SOX6: variants seen among roughly 807,000 people sequenced by gnomAD.
The protein encoded by SOX6 is transcription factor SOX-6.
SOX6 carries 11 observed loss-of-function variants against 97.8 expected under a neutral mutation model. That is an observed-to-expected ratio of 0.11 (90% CI 0.07 to 0.19). The LOEUF (loss-of-function observed/expected upper bound fraction) is 0.19. Ranked by LOEUF, SOX6 falls within the 10% of genes least tolerant of loss-of-function variation. SOX6 has a pLI of 1.00. For missense variants in SOX6, 810 were observed against 1,039.5 expected, an observed-to-expected ratio of 0.78 and a Z score of 3.04; for synonymous variants, 360 against 371.4, an observed-to-expected ratio of 0.97 and a Z score of 0.35.
intron 6 of SOX6, among the ~76,000 whole-genome samples, chr11:16,121,604 C>T (rs578023565): frequency 3.3e-5 from 5 of 151,970 alleles, no homozygotes; most frequent in Admixed American, 2.0e-4. Context: ...GAAAGTTTTG[C>T]TTAAAAAGAA....
intron 1 of SOX6, among the ~76,000 whole-genome samples, chr11:16,384,574 C>A (rs975291330): frequency 6.6e-6 from 1 of 151,724 alleles, no homozygotes; most frequent in Admixed American, 6.6e-5. Flanking sequence ...ACAATTCTGA[C>A]ACACCCTCAA....
At chr11:16,571,721 G>A (rs375350948) in intron 4 of SOX6, among the ~76,000 whole-genome samples, 1 of 152,084 alleles carries the variant, frequency 6.6e-6, no homozygotes. Flanking sequence ...GTGCGATCTC[G>A]CCTCACTGCA....
chr11:16,569,310 A>C (rs1358560514), intron 4 of SOX6, among the ~76,000 whole-genome samples: 1 of 152,224 alleles, frequency 6.6e-6, no homozygotes, highest in Non-Finnish European at 1.5e-5. Context: ...CAGTGCAACA[A>C]AACAGTCAGA....
chr11:16,560,562 CATATATGTTTATACGT>C (rs1565180695), intron 4 of SOX6, among the ~76,000 whole-genome samples: 12 of 105,534 alleles, frequency 1.1e-4, no homozygotes, highest in African/African-American at 3.3e-4. Flanking sequence ...TTTATACGTA[CATATATGTTTATACGT>C]ACATATATGT....
At chr11:16,169,470 A>T (rs763413951) in intron 6 of SOX6, among the ~76,000 whole-genome samples, 23 of 152,136 alleles carry the variant, frequency 1.5e-4, no homozygotes, top group Non-Finnish European at 3.1e-4. Flanking sequence ...ATTATAATAC[A>T]AGTTGAAAGG....
rs1157835806 is a variant in SOX6, at chr11:16,706,471, AATATATATATATATATATATATATATAT to A, written n.429+8331_429+8358del. Among the ~76,000 whole-genome samples, 4 of 22,264 alleles carry A rather than the reference AATATATATATATATATATATATATATAT, an allele frequency of 1.8e-4. 1 individual carries two copies. The highest frequency in any genetic ancestry group is 1.3e-3 in the East Asian group (1 of 782). 14.6% of individuals were successfully genotyped at this position (22,264 alleles called of 152,430 possible). ...TCACAAAAAAAAAAAAAAAAAAAAA[AATATATATATATATATATATATATATAT>A]ATATATATATATATATATATATATA... On this transcript the variant is annotated intron_variant and non_coding_transcript_variant, in intron 3 of 5. Coordinates refer to the SOX6 transcript ENST00000524520.
At chr11:16,686,890 G>C (rs1476503244) in intron 3 of SOX6, among the ~76,000 whole-genome samples, 1 of 152,294 alleles carries the variant, frequency 6.6e-6, no homozygotes, top group African/African-American at 2.4e-5. Context: ...TTGAACCCGG[G>C]AGGCAGAGGT....
At chr11:16,620,375 T>C (rs1269667020) in intron 3 of SOX6, among the ~76,000 whole-genome samples, 1 of 152,218 alleles carries the variant, frequency 6.6e-6, no homozygotes, top group Admixed American at 6.5e-5. Flanking sequence ...CATATGAGTA[T>C]ATGTTATCTA....
At chr11:16,126,692 T>G (rs1383901279) in intron 6 of SOX6, among the ~76,000 whole-genome samples, 1 of 152,158 alleles carries the variant, frequency 6.6e-6, no homozygotes, top group Non-Finnish European at 1.5e-5. Flanking sequence ...ATTTATTGTA[T>G]TATTTCTGCT....
intron 3 of SOX6, among the ~76,000 whole-genome samples, chr11:16,706,893 T>C (rs1331189494): frequency 2.0e-5 from 3 of 152,192 alleles, no homozygotes; most frequent in African/African-American, 4.8e-5. Context: ...CTCTTTGTCA[T>C]GTTCACTATC....
intron 1 of SOX6, among the ~76,000 whole-genome samples, chr11:16,439,032 G>A (rs758990391): frequency 6.6e-6 from 1 of 152,146 alleles, no homozygotes; most frequent in Non-Finnish European, 1.5e-5. Context: ...AGAAAGATAA[G>A]ACAGAGAGTT....
chr11:16,138,939 C>T (rs2134035422), intron 6 of SOX6, among the ~76,000 whole-genome samples: 1 of 152,238 alleles, frequency 6.6e-6, no homozygotes, highest in South Asian at 2.1e-4. Context: ...TTTTCTTAAT[C>T]CAGTCTATCA....
intron 4 of SOX6, among the ~76,000 whole-genome samples, chr11:16,230,468 A>T (rs1405794870): frequency 3.3e-5 from 5 of 151,716 alleles, no homozygotes; most frequent in Admixed American, 2.0e-4. Flanking sequence ...AATATAACAA[A>T]AGGAAAATAG....
chr11:16,489,667 A>G (rs1860481136), intron 4 of SOX6, among the ~76,000 whole-genome samples: 1 of 152,154 alleles, frequency 6.6e-6, no homozygotes, highest in African/African-American at 2.4e-5. Flanking sequence ...TGAATGAGAT[A>G]ACATGTAAAG....
At chr11:16,689,468 G>T (rs1847995869) in intron 3 of SOX6, among the ~76,000 whole-genome samples, 2 of 152,100 alleles carry the variant, frequency 1.3e-5, no homozygotes, top group Non-Finnish European at 2.9e-5. Context: ...ATGTCCAATG[G>T]CTTGAAAACC....
chr11:16,398,648 C>A (rs1240262237), intron 1 of SOX6, among the ~76,000 whole-genome samples: 1 of 151,280 alleles, frequency 6.6e-6, no homozygotes, highest in Non-Finnish European at 1.5e-5. Flanking sequence ...CTCTAAGTAC[C>A]ACTTACCCTA....
At chr11:16,060,564 T>C (rs1244327007) in intron 9 of SOX6, among the ~76,000 whole-genome samples, 4 of 151,984 alleles carry the variant, frequency 2.6e-5, no homozygotes, top group Non-Finnish European at 5.9e-5. Flanking sequence ...ACAAAACATA[T>C]GATTTTAGTA....
chr11:16,133,917 C>T (rs1479732989), intron 6 of SOX6, among the ~76,000 whole-genome samples: 1 of 152,178 alleles, frequency 6.6e-6, no homozygotes, highest in Non-Finnish European at 1.5e-5. Context: ...GAACTCCTGA[C>T]CTCATGATCT....
At chr11:15,986,634 TAAG>T (rs1853850563) in intron 14 of SOX6, among the ~76,000 whole-genome samples, 1 of 152,230 alleles carries the variant, frequency 6.6e-6, no homozygotes, top group African/African-American at 2.4e-5. Context: ...CTCAATAGTT[TAAG>T]ACTGATGCTA....
Sources: gnomAD v4.1 joint callset for allele counts (sites outside exome capture counted in the v4.1 genomes callset) on GRCh38, gnomAD v4.1.1 for gene constraint, MANE v1.5 for transcripts, NCBI Gene and HGNC (gene_info 2026-07-23, HGNC 2026-07-21) for gene names.